The following SMCO4 variants were observed in gnomAD, a reference collection of about 807,000 sequenced individuals.
SMCO4 encodes single-pass membrane and coiled-coil domain-containing protein 4.
In SMCO4, 4 loss-of-function variants were observed where a neutral mutation model predicts 3.6. That is an observed-to-expected ratio of 1.11 (90% CI 0.54 to 2.53). The LOEUF (loss-of-function observed/expected upper bound fraction) is 2.53, where lower values mean the gene tolerates loss of function less well. Among genes scored for constraint, SMCO4 ranks in the 30% most tolerant of loss-of-function variants. SMCO4 has a pLI of 0.02. For missense variants in SMCO4, 70 were observed against 80.8 expected (o/e 0.87, Z 0.51); for synonymous variants, 36 against 35.3 (o/e 1.02, Z -0.07).
intron 2 of SMCO4, among the ~76,000 whole-genome samples, chr11:93,490,992 A>G (rs557428988): frequency 6.6e-6 from 1 of 152,390 alleles, no homozygotes; most frequent in East Asian, 1.9e-4. Flanking sequence ...TATAAGAATG[A>G]AATGCAAGCA....
chr11:93,494,842 T>C (rs1363957976), intron 2 of SMCO4, among the ~76,000 whole-genome samples: 1 of 152,166 alleles, frequency 6.6e-6, no homozygotes. Flanking sequence ...AGTATTTAAT[T>C]CTACAGTGGC....
chr11:93,478,894 C>T lies in SMCO4; in HGVS notation c.*116G>A. The T allele has an allele frequency of 1.4e-6, 2 of 1,442,216 alleles. No individual in the cohort carries two copies. The highest frequency in any genetic ancestry group is 1.8e-6 in the Non-Finnish European group (2 of 1,098,798). 89.3% of individuals were successfully genotyped at this position (1,442,216 alleles called of 1,614,324 possible). ...GTCAAAGACCAGAGAAGACAGGGTG[C>T]TCCTGCTTACAGCTCAGCAACATGA... is the stretch of plus-strand genomic sequence containing the variant. On this transcript the variant is annotated 3_prime_UTR_variant, in exon 3 of 3. Coordinates refer to ENST00000298966, the MANE Select transcript of SMCO4 (RefSeq NM_020179.3).
chr11:93,526,714 T>C (rs1949111795), intron 1 of SMCO4, among the ~76,000 whole-genome samples: 1 of 152,180 alleles, frequency 6.6e-6, no homozygotes, highest in African/African-American at 2.4e-5. Flanking sequence ...GCCCTGTGGT[T>C]TCCTCAGCAC....
At chr11:93,502,768 A>C (rs376380203) in intron 1 of SMCO4, among the ~76,000 whole-genome samples, 2 of 152,224 alleles carry the variant, frequency 1.3e-5, no homozygotes, top group Non-Finnish European at 2.9e-5. Context: ...CTTATCCAAC[A>C]AAAGGACAGA....
At chr11:93,538,686 C>T (rs751064652) in intron 1 of SMCO4, among the ~76,000 whole-genome samples, 21 of 152,164 alleles carry the variant, frequency 1.4e-4, no homozygotes, top group Non-Finnish European at 2.2e-4. Context: ...CAACACCCAT[C>T]CCTGGGGCAT....
intron 2 of SMCO4, among the ~76,000 whole-genome samples, chr11:93,496,380 A>T (rs1211545749): frequency 1.3e-5 from 2 of 152,190 alleles, no homozygotes; most frequent in Non-Finnish European, 2.9e-5. Context: ...GGCCTGACAA[A>T]GTGAGTTAAC....
At chr11:93,525,426 G>C (rs1006792009) in intron 1 of SMCO4, among the ~76,000 whole-genome samples, 1 of 152,042 alleles carries the variant, frequency 6.6e-6, no homozygotes, top group African/African-American at 2.4e-5. Context: ...GCTAATATTG[G>C]GTAAAAATTA....
chr11:93,481,490 A>T (rs1948592034), intron 2 of SMCO4: 1 of 985,304 alleles, frequency 1.0e-6, no homozygotes, highest in Admixed American at 6.1e-5. Context: ...CTTGGCACAG[A>T]GCGGGCGGCG....
chr11:93,480,091 C>G (rs2134563779), intron 2 of SMCO4, among the ~76,000 whole-genome samples: 1 of 152,322 alleles, frequency 6.6e-6, no homozygotes, highest in Admixed American at 6.5e-5. Flanking sequence ...TACAGAGGAA[C>G]ATCTCTATAA....
At chr11:93,497,030 G>T (rs1271100107) in intron 2 of SMCO4, among the ~76,000 whole-genome samples, 3 of 152,094 alleles carry the variant, frequency 2.0e-5, no homozygotes, top group Non-Finnish European at 4.4e-5. Flanking sequence ...CAGAGATGGT[G>T]GCCTGTTTTA....
chr11:93,522,517 C>T (rs1286242113), intron 1 of SMCO4, among the ~76,000 whole-genome samples: 4 of 152,190 alleles, frequency 2.6e-5, no homozygotes, highest in East Asian at 1.9e-4. Context: ...TTAAGTGATT[C>T]GAAATCCTTC....
chr11:93,506,781 T>C (rs1445560623), intron 1 of SMCO4, among the ~76,000 whole-genome samples: 1 of 152,186 alleles, frequency 6.6e-6, no homozygotes, highest in Non-Finnish European at 1.5e-5. Context: ...AAATTATTAA[T>C]TTCATTAAAT....
the SMCO4 span, among the ~76,000 whole-genome samples, chr11:93,551,768 T>G: frequency 6.6e-6 from 1 of 152,188 alleles, no homozygotes; most frequent in Admixed American, 6.5e-5. Context: ...TGGGATTGAA[T>G]TTTCAGCATT....
intron 2 of SMCO4, among the ~76,000 whole-genome samples, chr11:93,485,978 G>A (rs183713324): frequency 4.6e-5 from 7 of 152,276 alleles, no homozygotes; most frequent in South Asian, 2.1e-4. Context: ...ATAAGTACTC[G>A]TTAAGTATTT....
chr11:93,521,259 A>T (rs971869179), intron 1 of SMCO4, among the ~76,000 whole-genome samples: 6 of 152,212 alleles, frequency 3.9e-5, no homozygotes, highest in Non-Finnish European at 7.3e-5. Context: ...ACCATCACAG[A>T]TCTGCAACTC....
intron 1 of SMCO4, among the ~76,000 whole-genome samples, chr11:93,511,181 T>G (rs1948953806): frequency 1.3e-5 from 2 of 152,176 alleles, no homozygotes; most frequent in African/African-American, 2.4e-5. Context: ...AAAAAAATGC[T>G]TTCTAGAAAG....
intron 2 of SMCO4, among the ~76,000 whole-genome samples, chr11:93,495,450 T>G (rs1167751711): frequency 6.6e-6 from 1 of 152,034 alleles, no homozygotes; most frequent in South Asian, 2.1e-4. Flanking sequence ...ACGCAGGACC[T>G]CCGACACACA....
intron 1 of SMCO4, among the ~76,000 whole-genome samples, chr11:93,542,606 AC>A (rs1241596158): frequency 2.0e-5 from 3 of 151,404 alleles, no homozygotes; most frequent in Non-Finnish European, 4.4e-5. Flanking sequence ...TCCTCCACCC[AC>A]CCCGTACAGG....
Position 93,479,233 on chromosome 11 carries a change from G to C in SMCO4, c.-44C>G, listed in dbSNP as rs765331872. On this transcript the variant is annotated 5_prime_UTR_variant, in exon 3 of 3. Transcript: ENST00000298966. The stretch of plus-strand genomic sequence containing the variant: ...GGAGGGTGTGTCCAGAGGGATTCCA[G>C]GAAGGGCCACACTCCTCTTGCCAAG... 9.4e-6 allele frequency: 15 copies of C among 1,592,148 alleles called. No individual in the cohort carries two copies. Among genetic ancestry groups the C allele is most frequent in the African/African-American group, 1.3e-5 (1 of 74,664 alleles).
Sources: gnomAD v4.1 joint callset for allele counts (sites outside exome capture counted in the v4.1 genomes callset) on GRCh38, gnomAD v4.1.1 for gene constraint, MANE v1.5 for transcripts, NCBI Gene and HGNC (gene_info 2026-07-23, HGNC 2026-07-21) for gene names.